MYORG: variants seen among roughly 807,000 people sequenced by gnomAD.
MYORG encodes myogenesis regulating glycosidase, also known as alpha-galactosidase MYORG.
In MYORG, 45 loss-of-function variants were observed where a neutral mutation model predicts 49.8. The ratio of observed to expected loss-of-function variants is 0.90; its 90% CI spans 0.71 to 1.16. The LOEUF is 1.16. Among genes scored for constraint, MYORG ranks in the 50% most tolerant of loss-of-function variants. The pLI is 0.00. For synonymous variants in MYORG, 552 were observed against 462.9 expected (o/e 1.19, Z -2.47); for missense variants, 1,110 against 1,026.5 (o/e 1.08, Z -1.11).
chr9:34,372,815 G>A lies in MYORG; in HGVS notation c.129C>T (p.Phe43=). Residue 43 remains phenylalanine, a synonymous_variant, in exon 2 of 2, where the codon TTC becomes TTT. Coordinates refer to ENST00000297625, the MANE Select transcript of MYORG (RefSeq NM_020702.5). ...TGGAAGGCTTGGGCTTGGCAGGTGA[G>A]AAGTTGTCGGGCAGGAAGGTGTACA... ...AAMYTFLPDN[F]SPAKPKPSKD... 2 of 1,614,060 alleles carry A rather than the reference G, an allele frequency of 1.2e-6. No individual in the cohort carries two copies. Among genetic ancestry groups the A allele is most frequent in the Non-Finnish European group, 1.7e-6 (2 of 1,179,890 alleles).
Position 34,372,407 on chromosome 9 carries a change from GC to G in MYORG, c.536del (p.Gly179AlafsTer13). On this transcript the variant is annotated frameshift_variant, in exon 2 of 2. Coordinates refer to ENST00000297625, the MANE Select transcript of MYORG (RefSeq NM_020702.5). LOFTEE classifies it high-confidence loss of function. ...CACCATACCAGTGGGCCGCCGCGTC[GC>G]CCAAGAACATGGCGTGCTCCACGGC... ...GRAVEHAMFL[G>X]DAAAHWYGGA... 1 of 1,583,650 alleles carries G rather than the reference GC, an allele frequency of 6.3e-7. No homozygotes were observed. The highest frequency in any genetic ancestry group is 8.6e-7 in the Non-Finnish European group (1 of 1,166,050).
At chr9:34,373,421 G>C (rs1031443337) in intron 1 of MYORG, among the ~76,000 whole-genome samples, 3 of 152,174 alleles carry the variant, frequency 2.0e-5, no homozygotes, top group Admixed American at 2.0e-4. Context: ...TGGATGGTCA[G>C]GGTGGGAGAG....
chr9:34,372,626 C>A lies in MYORG; in HGVS notation c.318G>T (p.Lys106Asn), dbSNP rs780289213. 3 of 1,606,060 alleles carry A rather than the reference C, an allele frequency of 1.9e-6. No individual in the cohort carries two copies. Among genetic ancestry groups the A allele is most frequent in the Middle Eastern group, 3.3e-4 (2 of 6,072 alleles). ...KAGGFSIRNQ[K>N]GEQVFRLAFR... ...AGGCCAGGCGGAAGACCTGCTCTCC[C>A]TTCTGATTGCGGATGGAGAAGCCGC... Residue 106 changes from lysine to asparagine, a missense_variant, in exon 2 of 2, where the codon AAG (lysine) becomes AAT (asparagine). Coordinates refer to ENST00000297625, the MANE Select transcript of MYORG (RefSeq NM_020702.5).
intron 1 of MYORG, among the ~76,000 whole-genome samples, chr9:34,373,886 G>A (rs572298393): frequency 1.3e-5 from 2 of 152,368 alleles, no homozygotes; most frequent in South Asian, 4.1e-4. Flanking sequence ...GGAGATTGAA[G>A]AAGACACCCA....
chr9:34,373,011 A>G lies in MYORG; in HGVS notation c.-63-5T>C. The G allele has an allele frequency of 6.5e-7, 1 of 1,542,604 alleles. No individual in the cohort carries two copies. The highest frequency in any genetic ancestry group is 1.8e-5 in the Admixed American group (1 of 54,552). ...CTGAGTTCATCTCAACCTGCTCTGA[A>G]AGGAGGAGACAGAGATGGAACTGAG... On this transcript the variant is annotated splice_polypyrimidine_tract_variant and splice_region_variant and intron_variant, in intron 1 of 1. Transcript: ENST00000297625.
Position 34,376,206 on chromosome 9 carries a change from A to G in MYORG, c.-64+587T>C, listed in dbSNP as rs1328898786. 3.9e-5 allele frequency among the ~76,000 whole-genome samples: 6 copies of G among 152,232 alleles called. No homozygotes were observed. Among genetic ancestry groups the G allele is most frequent in the Non-Finnish European group, 1.5e-5 (1 of 68,042 alleles). ...CGCGGACCACGAAGACCACGAGGGC[A>G]GCAAAGAGGGCAATTTTAATGGCAT... On this transcript the variant is annotated intron_variant, in intron 1 of 1. Coordinates refer to ENST00000297625, the MANE Select transcript of MYORG (RefSeq NM_020702.5). This position sits in a 1 kb window ranked among gnomAD's most constrained non-coding sequence, Gnocchi z 4.4.
In MYORG at chr9:34,367,205, A is replaced by G. The variant is rs1820514618; in HGVS notation, c.*3594T>C. On this transcript the variant is annotated 3_prime_UTR_variant, in exon 2 of 2. Coordinates refer to ENST00000297625, the MANE Select transcript of MYORG (RefSeq NM_020702.5). ...GAACAGTATGGGAGAAACTGCCCCT[A>G]TGATTCAATTATCTCCCACCAGGTC... is the stretch of plus-strand genomic sequence containing the variant. 6.6e-6 allele frequency: 1 copy of G among 152,142 alleles called. No individual in the cohort carries two copies. The highest frequency in any genetic ancestry group is 1.5e-5 in the Non-Finnish European group (1 of 68,020). 9.4% of individuals were successfully genotyped at this position (152,142 alleles called of 1,614,324 possible).
intron 1 of MYORG, among the ~76,000 whole-genome samples, chr9:34,374,290 C>T (rs761635158): frequency 6.6e-6 from 1 of 152,174 alleles, no homozygotes; most frequent in Non-Finnish European, 1.5e-5. Flanking sequence ...CTTATCAAAC[C>T]ATATCTATCC....
In MYORG at chr9:34,376,809, C is replaced by G. The variant is rs1351088316; in HGVS notation, c.-80G>C. Reference sequence around the variant, plus strand: ...TGGGCTCACCCATTGCAGTTACAGCCCGGCAGAAGCGGGGGTGAAAGAGCT... The same window carrying G: ...TGGGCTCACCCATTGCAGTTACAGCGCGGCAGAAGCGGGGGTGAAAGAGCT... On this transcript the variant is annotated 5_prime_UTR_variant, in exon 1 of 2. Coordinates refer to ENST00000297625, the MANE Select transcript of MYORG (RefSeq NM_020702.5). This position sits in a 1 kb window ranked among gnomAD's most constrained non-coding sequence, Gnocchi z 4.4. 6.6e-6 allele frequency: 1 copy of G among 152,238 alleles called. No homozygotes were observed. Among genetic ancestry groups the G allele is most frequent in the Non-Finnish European group, 1.5e-5 (1 of 68,058 alleles). The allele number at this position is 152,238 out of a possible 1,614,324, so 9.4% of individuals were successfully genotyped here.
intron 1 of MYORG, among the ~76,000 whole-genome samples, chr9:34,375,669 A>G (rs1003662714): frequency 6.6e-5 from 10 of 152,232 alleles, no homozygotes; most frequent in Non-Finnish European, 1.0e-4. Flanking sequence ...CAAAACTTTC[A>G]TATGAAGTCA....
chr9:34,371,146 C>G lies in MYORG; in HGVS notation c.1798G>C (p.Val600Leu), dbSNP rs905543668. ...SIPPWRYDAE[V>L]VAIAQKFAAL... is the part of the protein sequence containing the mutation. Reference sequence around the variant, plus strand: ...GCGAACTTCTGCGCGATGGCCACCACTTCCGCGTCGTAGCGCCAGGGCGGG... The same window carrying G: ...GCGAACTTCTGCGCGATGGCCACCAGTTCCGCGTCGTAGCGCCAGGGCGGG... The change falls in exon 2 of 2, where the codon GTG (valine) becomes CTG (leucine). Residue 600 changes from valine (V) to leucine (L), a missense_variant. Physicochemically the swap from Val to Leu is conservative, Grantham distance 32 (BLOSUM62 1). Coordinates refer to ENST00000297625, the MANE Select transcript of MYORG (RefSeq NM_020702.5). 1.2e-6 allele frequency: 2 copies of G among 1,608,674 alleles called. No homozygotes were observed. The highest frequency in any genetic ancestry group is 1.7e-6 in the Non-Finnish European group (2 of 1,176,588).
rs1475598922 is a variant in MYORG at position 34,370,708 on chromosome 9, G to A, written c.*91C>T. ...CTTAATGGGTGGTATAGAGGTGGGA[G>A]GTTCCTGGGAGTACATGGTGCGGGT... is the stretch of plus-strand genomic sequence containing the variant. On this transcript the variant is annotated 3_prime_UTR_variant, in exon 2 of 2. Coordinates refer to ENST00000297625, the MANE Select transcript of MYORG (RefSeq NM_020702.5). 2 of 1,450,678 alleles carry A rather than the reference G, an allele frequency of 1.4e-6. No homozygotes were observed. The highest frequency in any genetic ancestry group is 2.9e-5 in the African/African-American group (2 of 69,776). The allele number at this position is 1,450,678 out of a possible 1,614,324, so 89.9% of individuals were successfully genotyped here.
Position 34,372,488 on chromosome 9 carries a change from G to C in MYORG, c.456C>G (p.Pro152=). ...PLHFFIQTVR[P]KDTVMCYRVR... ...CGCGGTAGCACATGACCGTGTCCTT[G>C]GGCCGCACAGTCTGGATGAAGAAGT... The change falls in exon 2 of 2, where the codon CCC becomes CCG. Residue 152 remains proline (P), a synonymous_variant. Transcript: ENST00000297625. The C allele has an allele frequency of 6.3e-7, 1 of 1,598,394 alleles. No homozygotes were observed. The highest frequency in any genetic ancestry group is 8.5e-7 in the Non-Finnish European group (1 of 1,173,724).
chr9:34,371,849 G>A lies in MYORG; in HGVS notation c.1095C>T (p.Phe365=). Residue 365 remains phenylalanine (F), a synonymous_variant, in exon 2 of 2, where the codon TTC becomes TTT. Transcript: ENST00000297625. ...TGGCGTTGGGGAATTTGACCTCATCGAAGTCGAAGTCGCCATAAGCAGGTG... is the reference window on the plus strand; with the variant it reads ...TGGCGTTGGGGAATTTGACCTCATCAAAGTCGAAGTCGCCATAAGCAGGTG... The part of the protein sequence containing the change: ...MYTPAYGDFD[F]DEVKFPNASD... The A allele has an allele frequency of 6.2e-7, 1 of 1,614,050 alleles. No homozygotes were observed. Among genetic ancestry groups the A allele is most frequent in the Non-Finnish European group, 8.5e-7 (1 of 1,179,872 alleles).
chr9:34,371,811 C>A lies in MYORG; in HGVS notation c.1133G>T (p.Arg378Leu). The change falls in exon 2 of 2, where the codon CGC becomes CTC. Residue 378 changes from arginine (R) to leucine (L), a missense_variant. Transcript: ENST00000297625. The part of the protein sequence containing the change: ...VKFPNASDMF[R>L]RLRDAGFRVT... ...GCGGAAGCCGGCGTCGCGCAGGCGG[C>A]GGAACATGTCGCTGGCGTTGGGGAA... 1 of 1,614,014 alleles carries A rather than the reference C, an allele frequency of 6.2e-7. No homozygotes were observed. The highest frequency in any genetic ancestry group is 8.5e-7 in the Non-Finnish European group (1 of 1,179,850).
Position 34,370,902 on chromosome 9 carries a change from T to C in MYORG, c.2042A>G (p.Lys681Arg). Residue 681 changes from lysine to arginine, a missense_variant, in exon 2 of 2, where the codon AAG (lysine) becomes AGG (arginine). Transcript: ENST00000297625. ...QERDVYLPAG[K>R]WRSYKGELFD... ...AAGCTCACCCTTGTAGCTGCGCCAC[T>C]TGCCGGCGGGCAAATAGACGTCGCG... The C allele has an allele frequency of 1.9e-6, 3 of 1,613,388 alleles. No individual in the cohort carries two copies. The highest frequency in any genetic ancestry group is 2.5e-6 in the Non-Finnish European group (3 of 1,179,554).
chr9:34,372,132 G>A lies in MYORG; in HGVS notation c.812C>T (p.Ala271Val), dbSNP rs1820618261. 4 of 1,612,030 alleles carry A rather than the reference G, an allele frequency of 2.5e-6. No homozygotes were observed. The highest frequency in any genetic ancestry group is 2.5e-6 in the Non-Finnish European group (3 of 1,179,736). ...CAGCTCTGGCGCTGCGGCGCGGCCG[G>A]CGGGTGGCTTGTAGGGCGTGTCGTG... ...RYHDTPYKPPAGRAAAPELSY... is the reference protein window; with the variant it reads ...RYHDTPYKPPVGRAAAPELSY... Residue 271 changes from alanine to valine, a missense_variant, in exon 2 of 2, where the codon GCC becomes GTC. Ala to Val is a moderately conservative substitution (Grantham distance 64). Coordinates refer to ENST00000297625, the MANE Select transcript of MYORG (RefSeq NM_020702.5).
Position 34,372,493 on chromosome 9 carries a change from G to T in MYORG, c.451C>A (p.Arg151=). The T allele has an allele frequency of 1.9e-6, 3 of 1,598,188 alleles. No individual in the cohort carries two copies. Among genetic ancestry groups the T allele is most frequent in the East Asian group, 4.5e-5 (2 of 44,082 alleles). ...LPLHFFIQTV[R]PKDTVMCYRV... ...TAGCACATGACCGTGTCCTTGGGCC[G>T]CACAGTCTGGATGAAGAAGTGCAGC... Residue 151 remains arginine (R), a synonymous_variant, in exon 2 of 2, where the codon CGG becomes AGG. Transcript: ENST00000297625.
In MYORG at chr9:34,376,265, G is replaced by A. The variant is rs543284493; in HGVS notation, c.-64+528C>T. ...GGGGCTTTGGGGGAGGAAGTCTGTG[G>A]TTCCGGTGTTAACAGTGGTGCCAGA... On this transcript the variant is annotated intron_variant, in intron 1 of 1. Coordinates refer to ENST00000297625, the MANE Select transcript of MYORG (RefSeq NM_020702.5). This position sits in a 1 kb window ranked among gnomAD's most constrained non-coding sequence, Gnocchi z 4.4. Among the ~76,000 whole-genome samples the A allele has an allele frequency of 3.9e-5, 6 of 152,306 alleles. No individual in the cohort carries two copies. The highest frequency in any genetic ancestry group is 1.4e-4 in the African/African-American group (6 of 41,562).
Sources: gnomAD v4.1 joint callset for allele counts (sites outside exome capture counted in the v4.1 genomes callset) on GRCh38, gnomAD v4.1.1 for gene constraint, Gnocchi (gnomAD v3.1) non-coding constraint, MANE v1.5 for transcripts, NCBI Gene and HGNC (gene_info 2026-07-23, HGNC 2026-07-21) for gene names.